The following MTA3 variants were observed in gnomAD, a reference collection of about 807,000 sequenced individuals.
The protein encoded by MTA3 is metastasis associated 1 family member 3.
MTA3 carries 34 observed loss-of-function variants against 83.5 expected under a neutral mutation model. That is an observed-to-expected ratio of 0.41 (90% CI 0.31 to 0.54). MTA3 has a LOEUF of 0.54. MTA3 is among the 20% of genes least tolerant of loss of function. MTA3 has a pLI of 0.33. For synonymous variants in MTA3, 303 were observed against 252.7 expected (o/e 1.20, Z -1.89); for missense variants, 761 against 726.4 (o/e 1.05, Z -0.55).
intron 4 of MTA3, among the ~76,000 whole-genome samples, 168 bp from the exon 5 acceptor site, chr2:42,640,005 A>G (rs950901391): frequency 6.6e-6 from 1 of 152,202 alleles, no homozygotes; most frequent in Non-Finnish European, 1.5e-5. Flanking sequence ...TTTATAAGTT[A>G]CCTGACATTA....
At chr2:42,496,655 C>T (rs1674151133) in intron 2 of MTA3, among the ~76,000 whole-genome samples, 2 of 151,068 alleles carry the variant, frequency 1.3e-5, no homozygotes, top group South Asian at 2.1e-4. Context: ...TTTTCCTCCC[C>T]TCCGAAGTTA....
chr2:42,586,726 G>C (rs185840309), intron 3 of MTA3, among the ~76,000 whole-genome samples: 2 of 151,768 alleles, frequency 1.3e-5, no homozygotes, highest in African/African-American at 4.8e-5. Context: ...CCCATCTCTA[G>C]GAAAAATACA....
At chr2:42,628,291 C>T (rs963539548) in intron 4 of MTA3, among the ~76,000 whole-genome samples, 3 of 151,376 alleles carry the variant, frequency 2.0e-5, no homozygotes, top group Non-Finnish European at 4.4e-5. Flanking sequence ...AGTGCAATGG[C>T]GTGATCTTGG....
chr2:42,611,858 G>T (rs1684263390), intron 4 of MTA3, among the ~76,000 whole-genome samples: 1 of 152,126 alleles, frequency 6.6e-6, no homozygotes, highest in South Asian at 2.1e-4. Flanking sequence ...GATAGATAGA[G>T]AGATATGGAG....
At chr2:42,580,887 C>G (rs572170757) in intron 3 of MTA3, among the ~76,000 whole-genome samples, 1 of 152,232 alleles carries the variant, frequency 6.6e-6, no homozygotes, top group East Asian at 1.9e-4. Flanking sequence ...CCCCACCCGG[C>G]CAGTTTGATA....
intron 2 of MTA3, among the ~76,000 whole-genome samples, chr2:42,520,823 C>A (rs1675393989): frequency 6.6e-6 from 1 of 152,172 alleles, no homozygotes; most frequent in African/African-American, 2.4e-5. Flanking sequence ...GCCTTGTCTT[C>A]CCAAAGTGCT....
intron 14 of MTA3, among the ~76,000 whole-genome samples, chr2:42,710,531 A>ACACAGACTCCGCAT (rs2104512323): frequency 6.8e-6 from 1 of 146,544 alleles, no homozygotes; most frequent in Admixed American, 6.8e-5. Context: ...AGCCTGGGCA[A>ACACAGACTCCGCAT]TGAGCGAAAC....
chr2:42,659,631 C>A (rs1340902994), intron 7 of MTA3, 132 bp from the exon 8 acceptor site: 8 of 490,186 alleles, frequency 1.6e-5, no homozygotes, highest in Non-Finnish European at 2.6e-5. Flanking sequence ...GTTTGATTCT[C>A]ATTCAGAAAC....
intron 9 of MTA3, among the ~76,000 whole-genome samples, chr2:42,688,028 T>C (rs1268061625): frequency 6.6e-6 from 1 of 152,254 alleles, no homozygotes; most frequent in African/African-American, 2.4e-5. Flanking sequence ...CATGCTGTCG[T>C]ATTTTGCTAG....
chr2:42,714,570 T>C (rs969939642), intron 14 of MTA3, among the ~76,000 whole-genome samples: 1 of 152,184 alleles, frequency 6.6e-6, no homozygotes, highest in African/African-American at 2.4e-5. Context: ...TCCAAAACAC[T>C]GTAGAAAAAT....
chr2:42,640,781 A>T (rs370328081), intron 5 of MTA3, among the ~76,000 whole-genome samples: 1 of 152,342 alleles, frequency 6.6e-6, no homozygotes, highest in Non-Finnish European at 1.5e-5. Context: ...CATGGTATGC[A>T]TAGTTTTAGG....
At chr2:42,536,727 C>T (rs1676256599) in intron 2 of MTA3, among the ~76,000 whole-genome samples, 1 of 151,788 alleles carries the variant, frequency 6.6e-6, no homozygotes, top group African/African-American at 2.4e-5. Context: ...GGCGTGGTAG[C>T]AGGCGCCTGT....
At chr2:42,504,858 G>A (rs1368564629) in intron 2 of MTA3, among the ~76,000 whole-genome samples, 1 of 152,042 alleles carries the variant, frequency 6.6e-6, no homozygotes, top group Non-Finnish European at 1.5e-5. Context: ...GCTTTGCAAA[G>A]CTCACTGTAT....
chr2:42,742,897 G>A (rs1283482778), intron 16 of MTA3, among the ~76,000 whole-genome samples: 1 of 152,096 alleles, frequency 6.6e-6, no homozygotes, highest in African/African-American at 2.4e-5. Context: ...GAAGGTAGAT[G>A]GTTATATTCC....
chr2:42,725,117 C>G (rs1185767982), intron 16 of MTA3, among the ~76,000 whole-genome samples: 2 of 152,256 alleles, frequency 1.3e-5, no homozygotes, highest in Non-Finnish European at 2.9e-5. Context: ...AACTCCTTTA[C>G]TGAGTTCTCT....
At chr2:42,615,743 C>T (rs1684799321) in intron 4 of MTA3, among the ~76,000 whole-genome samples, 1 of 16,246 alleles carries the variant, frequency 6.2e-5, no homozygotes, top group Admixed American at 7.6e-4. Context: ...TTTTTTGAGA[C>T]GGAGTCTCGC....
chr2:42,736,918 A>G (rs898047547), intron 16 of MTA3, among the ~76,000 whole-genome samples: 4 of 152,074 alleles, frequency 2.6e-5, no homozygotes, highest in East Asian at 1.9e-4. Flanking sequence ...TTCAAATGTC[A>G]TCTGGGAGTT....
chr2:42,606,144 C>T (rs1459270977), intron 3 of MTA3, among the ~76,000 whole-genome samples: 5 of 107,376 alleles, frequency 4.7e-5, no homozygotes, highest in African/African-American at 1.1e-4. Context: ...TAGGGGCGGC[C>T]GGGCAGAGGC....
intron 14 of MTA3, among the ~76,000 whole-genome samples, chr2:42,711,001 C>T (rs865921417): frequency 1.2e-4 from 18 of 151,750 alleles, no homozygotes; most frequent in African/African-American, 4.1e-4. Context: ...ATCACTTGAA[C>T]CTGGGAGGCA....
Sources: allele counts gnomAD v4.1 joint callset (sites outside exome capture counted in the v4.1 genomes callset), GRCh38; gene constraint gnomAD v4.1.1; transcripts MANE v1.5; gene names NCBI Gene and HGNC (gene_info 2026-07-23, HGNC 2026-07-21).